The following IL23R variants were observed in gnomAD, a reference collection of about 807,000 sequenced individuals.
IL23R encodes the protein interleukin 23 receptor, also known as interleukin-23 receptor.
Under a neutral mutation model 56.9 loss-of-function variants are expected in IL23R, and 34 were observed. The ratio of observed to expected loss-of-function variants is 0.60; its 90% CI spans 0.45 to 0.80. IL23R has a LOEUF of 0.80. Ranked by LOEUF, IL23R falls within the 30% of genes least tolerant of loss-of-function variation. IL23R has a pLI of 0.00. For synonymous variants in IL23R, 230 were observed against 249.2 expected, an observed-to-expected ratio of 0.92 and a Z score of 0.73; for missense variants, 635 against 730.0, an observed-to-expected ratio of 0.87 and a Z score of 1.50.
intron 2 of IL23R, 90 bp from the exon 3 acceptor site, chr1:67,169,252 A>T: frequency 1.0e-6 from 1 of 1,004,050 alleles, no homozygotes; most frequent in Non-Finnish European, 1.5e-6. Context: ...GTTAATAGAA[A>T]TGATAAATTT....
intron 1 of IL23R, among the ~76,000 whole-genome samples, chr1:67,150,572 C>A (rs1472009976): frequency 6.7e-6 from 1 of 150,024 alleles, no homozygotes; most frequent in African/African-American, 2.5e-5. Context: ...GCTTCCAGCT[C>A]CATCCATGTC....
chr1:67,184,895 G>C (rs886771713), intron 4 of IL23R, among the ~76,000 whole-genome samples: 3 of 152,192 alleles, frequency 2.0e-5, no homozygotes, highest in Non-Finnish European at 4.4e-5. Flanking sequence ...ATTAGGTCAT[G>C]AGGGTAAAGC....
rs551451479 is a variant in IL23R at position 67,200,718 on chromosome 1, C to CTTTTTT, written c.492-14_492-9dup. The CTTTTTT allele has an allele frequency of 7.5e-7, 1 of 1,341,458 alleles. No homozygotes were observed. The highest frequency in any genetic ancestry group is 1.3e-5 in the South Asian group (1 of 76,434). 83.1% of individuals were successfully genotyped at this position (1,341,458 alleles called of 1,614,324 possible). ...CAAACTAAATACAATTTATGATCAT[C>CTTTTTT]TTTTTTTTTTGTTTTAAGTTTAGAG... On this transcript the variant is annotated intron_variant, in intron 4 of 10. Coordinates refer to ENST00000347310, the MANE Select transcript of IL23R (RefSeq NM_144701.3).
chr1:67,182,959 G>T lies in IL23R; in HGVS notation c.491G>T (p.Ser164Ile), dbSNP rs777727118. 1 of 1,613,912 alleles carries T rather than the reference G, an allele frequency of 6.2e-7. No homozygotes were observed. The highest frequency in any genetic ancestry group is 8.5e-7 in the Non-Finnish European group (1 of 1,179,856). Reference sequence around the variant, plus strand: ...ACAAAATACGTGGTACATGTGAAGAGGTAGGTCACTTCCTCACGGCTTCAT... The same window carrying T: ...ACAAAATACGTGGTACATGTGAAGATGTAGGTCACTTCCTCACGGCTTCAT... ...IDTKYVVHVK[S>I]LETEEEQQYL... is the part of the protein sequence containing the mutation. Residue 164 changes from serine (S) to isoleucine (I), a missense_variant and splice_region_variant, in exon 4 of 11, where the codon AGT (serine) becomes ATT (isoleucine). Ser to Ile is a moderately radical substitution (Grantham distance 142, BLOSUM62 -2). Transcript: ENST00000347310.
chr1:67,200,718 CT>C lies in IL23R; in HGVS notation c.492-9del, dbSNP rs551451479. On this transcript the variant is annotated intron_variant, in intron 4 of 10. Coordinates refer to ENST00000347310, the MANE Select transcript of IL23R (RefSeq NM_144701.3). ...CAAACTAAATACAATTTATGATCAT[CT>C]TTTTTTTTTGTTTTAAGTTTAGAGA... The C allele has an allele frequency of 5.3e-3, 6,628 of 1,260,398 alleles. 4 individuals are homozygous for C. Among genetic ancestry groups the C allele is most frequent in the African/African-American group, 7.3e-3 (482 of 65,872 alleles). The allele number at this position is 1,260,398 out of a possible 1,614,324, so 78.1% of individuals were successfully genotyped here.
intron 4 of IL23R, among the ~76,000 whole-genome samples, chr1:67,185,029 C>T (rs2102591102): frequency 6.6e-6 from 1 of 152,340 alleles, no homozygotes; most frequent in African/African-American, 2.4e-5. Flanking sequence ...CCTCACCAGA[C>T]ACTGAATCTG....
intron 3 of IL23R, among the ~76,000 whole-genome samples, chr1:67,179,466 C>T (rs1430329197): frequency 4.6e-5 from 7 of 151,726 alleles, no homozygotes; most frequent in African/African-American, 1.7e-4. Flanking sequence ...TGGTGATATC[C>T]CCTGTATCAT....
downstream of IL23R, among the ~76,000 whole-genome samples, chr1:67,263,084 G>T (rs538496661): frequency 2.0e-5 from 3 of 148,688 alleles, no homozygotes; most frequent in South Asian, 2.2e-4. Context: ...GTGTGTGTGC[G>T]TGTGTGTGTT....
chr1:67,262,275 C>T (rs1181153948), downstream of IL23R, among the ~76,000 whole-genome samples: 4 of 152,012 alleles, frequency 2.6e-5, no homozygotes, highest in Non-Finnish European at 4.4e-5. Flanking sequence ...TAAATTAGGA[C>T]AAGTCATTGC....
downstream of IL23R, chr1:67,260,044 C>A (rs1203281365): frequency 6.7e-6 from 1 of 148,240 alleles, no homozygotes; most frequent in Non-Finnish European, 1.5e-5. Context: ...TTCATTTTAT[C>A]ACTTAAAATT....
intron 5 of IL23R, among the ~76,000 whole-genome samples, chr1:67,205,029 C>T (rs930419037): frequency 6.6e-6 from 1 of 152,150 alleles, no homozygotes; most frequent in African/African-American, 2.4e-5. Flanking sequence ...ATCTGCCCAC[C>T]TAGGCCTCCC....
intron 9 of IL23R, among the ~76,000 whole-genome samples, chr1:67,253,807 G>T (rs1652788174): frequency 6.6e-6 from 1 of 152,018 alleles, no homozygotes; most frequent in Admixed American, 6.6e-5. Flanking sequence ...TAGTGTAAAA[G>T]TTTAAGTAAC....
At chr1:67,234,809 G>A (rs1490629223) in intron 7 of IL23R, among the ~76,000 whole-genome samples, 1 of 145,838 alleles carries the variant, frequency 6.9e-6, no homozygotes, top group Non-Finnish European at 1.5e-5. Context: ...CTGGGTTCAA[G>A]TGATTCTCCT....
At chr1:67,248,156 G>T (rs1422054218) in intron 9 of IL23R, among the ~76,000 whole-genome samples, 1 of 152,060 alleles carries the variant, frequency 6.6e-6, no homozygotes, top group Non-Finnish European at 1.5e-5. Flanking sequence ...TTAAAGTTTG[G>T]CCTGTTTTGC....
chr1:67,192,359 C>T (rs1002442500), intron 4 of IL23R, among the ~76,000 whole-genome samples: 2 of 151,932 alleles, frequency 1.3e-5, no homozygotes, highest in South Asian at 2.1e-4. Flanking sequence ...AAGCATGGGC[C>T]TCTTCTCCTT....
chr1:67,188,427 A>G (rs1321157), intron 4 of IL23R, among the ~76,000 whole-genome samples: 73,915 of 152,060 alleles, frequency 0.49, 18,460 homozygotes, highest in East Asian at 0.64. Flanking sequence ...ATCCAACAGT[A>G]TCTGCCATAG....
rs144954418 is a variant in IL23R at position 67,253,506 on chromosome 1, G to A, written c.1149-2331G>A. ...TGCTTCATGAAATAATCTTTCTTTC[G>A]TTTACATTTATAATCAAGTGCAGTA... On this transcript the variant is annotated intron_variant, in intron 9 of 10. Transcript: ENST00000347310. Among the ~76,000 whole-genome samples the A allele has an allele frequency of 1.5e-3, 231 of 152,096 alleles. 1 individual carries two copies. Among genetic ancestry groups the A allele is most frequent in the African/African-American group, 4.5e-3 (187 of 41,474 alleles).
At chr1:67,164,266 T>A (rs761130864), upstream of IL23R, among the ~76,000 whole-genome samples, 7 of 152,022 alleles carry the variant, frequency 4.6e-5, no homozygotes, top group African/African-American at 1.7e-4. Flanking sequence ...GAGGCTGAGA[T>A]GGGCAGATCA....
At chr1:67,238,712 G>A (rs566343263) in intron 8 of IL23R, among the ~76,000 whole-genome samples, 1 of 152,282 alleles carries the variant, frequency 6.6e-6, no homozygotes, top group Non-Finnish European at 1.5e-5. Context: ...CCTTTGCCGA[G>A]CACTGTGTTG....
Sources: gnomAD v4.1 joint callset for allele counts (sites outside exome capture counted in the v4.1 genomes callset) on GRCh38, gnomAD v4.1.1 for gene constraint, MANE v1.5 for transcripts, NCBI Gene and HGNC (gene_info 2026-07-23, HGNC 2026-07-21) for gene names.